ZPLD1: variants seen among roughly 807,000 people sequenced by gnomAD.
The protein encoded by ZPLD1 is zona pellucida-like domain-containing protein 1.
ZPLD1 carries 34 observed loss-of-function variants against 47.2 expected under a neutral mutation model. That is an observed-to-expected ratio of 0.72 (90% CI 0.55 to 0.96). The LOEUF is 0.96. Among genes scored for constraint, ZPLD1 ranks in the 40% least tolerant of loss-of-function variants. ZPLD1 has a pLI of 0.00. For missense variants in ZPLD1, 512 were observed against 505.8 expected (o/e 1.01, Z -0.12); for synonymous variants, 176 against 186.2 (o/e 0.95, Z 0.45).
intron 7 of ZPLD1, among the ~76,000 whole-genome samples, chr3:102,396,891 G>C (rs1469754527): frequency 6.6e-6 from 1 of 152,042 alleles, no homozygotes; most frequent in African/African-American, 2.4e-5. Flanking sequence ...TAAATGATTA[G>C]AGCCCTGGCC....
chr3:102,463,309 A>AT (rs1707538690), intron 7 of ZPLD1, among the ~76,000 whole-genome samples: 1 of 152,166 alleles, frequency 6.6e-6, no homozygotes, highest in African/African-American at 2.4e-5. Context: ...CTGATATACA[A>AT]TTTATGCTCT....
intron 1 of ZPLD1, among the ~76,000 whole-genome samples, chr3:102,436,564 T>C (rs763659658): frequency 6.6e-6 from 1 of 152,198 alleles, no homozygotes; most frequent in African/African-American, 2.4e-5. Flanking sequence ...AACTTTACTA[T>C]CAGAAAGACT....
At chr3:102,385,322 G>A (rs903745482) in intron 6 of ZPLD1, 1 of 152,202 alleles carries the variant, frequency 6.6e-6, no homozygotes, top group Admixed American at 6.5e-5. Flanking sequence ...AAATAAGTAA[G>A]TGTGAAGACT....
At chr3:102,405,807 G>T (rs1289237797) in intron 7 of ZPLD1, among the ~76,000 whole-genome samples, 5 of 151,936 alleles carry the variant, frequency 3.3e-5, no homozygotes, top group Non-Finnish European at 7.4e-5. Context: ...TTGGGGGTGA[G>T]ATGGTTTTGG....
chr3:102,462,965 T>C (rs1707532574), intron 7 of ZPLD1, among the ~76,000 whole-genome samples: 1 of 152,188 alleles, frequency 6.6e-6, no homozygotes, highest in Admixed American at 6.5e-5. Context: ...GCTTATGTAT[T>C]ACTATTTAAA....
chr3:102,440,908 GAGAAA>G (rs1707167007), intron 3 of ZPLD1, among the ~76,000 whole-genome samples: 3 of 152,230 alleles, frequency 2.0e-5, no homozygotes, highest in Admixed American at 2.0e-4. Context: ...TTGATGAAAT[GAGAAA>G]AGAAAATACC....
intron 3 of ZPLD1, 46 bp downstream of exon 3, chr3:102,438,639 A>C (rs778250891): frequency 6.9e-7 from 1 of 1,444,204 alleles, no homozygotes; most frequent in East Asian, 2.3e-5. Context: ...TGGAAGAGTG[A>C]TTATATTTGA....
In ZPLD1 at chr3:102,470,339, A is replaced by G. The variant is rs1475000476; in HGVS notation, c.934-55A>G. On this transcript the variant is annotated intron_variant, in intron 9 of 11. Transcript: ENST00000466937. ...AAGAATCTGCTTTCCAAATGGCCAT[A>G]AAGAAACAATTCTGCGCCGGTGTGG... 3 of 1,428,442 alleles carry G rather than the reference A, an allele frequency of 2.1e-6. No individual in the cohort carries two copies. The African/African-American group carries it at 4.2e-5, about 20-fold the overall frequency. The allele number at this position is 1,428,442 out of a possible 1,614,324, so 88.5% of individuals were successfully genotyped here. A position where few individuals can be genotyped will look rare whatever the true frequency, so the allele number is the denominator to read the frequency against.
chr3:102,435,702 G>A (rs962536855), intron 1 of ZPLD1, among the ~76,000 whole-genome samples: 2 of 149,896 alleles, frequency 1.3e-5, no homozygotes, highest in Non-Finnish European at 3.0e-5. Context: ...GAGTGCAGTG[G>A]CGAGATCTCA....
intron 8 of ZPLD1, among the ~76,000 whole-genome samples, chr3:102,428,074 A>T (rs566889993): frequency 6.6e-6 from 1 of 152,148 alleles, no homozygotes; most frequent in Non-Finnish European, 1.5e-5. Flanking sequence ...TTATTAACAA[A>T]CTCAACTATA....
chr3:102,444,497 T>C (rs769577635), intron 3 of ZPLD1, among the ~76,000 whole-genome samples: 2 of 152,180 alleles, frequency 1.3e-5, no homozygotes, highest in Non-Finnish European at 2.9e-5. Flanking sequence ...TATAAAAACT[T>C]GGTAAGAGCA....
At chr3:102,415,837 A>G (rs975705104) in intron 7 of ZPLD1, among the ~76,000 whole-genome samples, 3 of 151,880 alleles carry the variant, frequency 2.0e-5, no homozygotes, top group East Asian at 1.9e-4. Context: ...TGAACCATTT[A>G]GTTTGAAGAA....
intron 3 of ZPLD1, among the ~76,000 whole-genome samples, chr3:102,445,747 C>A (rs191468354): frequency 1.3e-5 from 2 of 152,224 alleles, no homozygotes; most frequent in East Asian, 3.9e-4. Flanking sequence ...TTACACTAGC[C>A]CCAGCTGGCC....
At chr3:102,413,377 T>A (rs1191899730) in intron 7 of ZPLD1, among the ~76,000 whole-genome samples, 1 of 151,882 alleles carries the variant, frequency 6.6e-6, no homozygotes, top group African/African-American at 2.4e-5. Context: ...CTTATTCATA[T>A]TTATTTAGTA....
At chr3:102,432,486 C>T (rs1407943239), upstream of ZPLD1, among the ~76,000 whole-genome samples, 1 of 152,060 alleles carries the variant, frequency 6.6e-6, no homozygotes, top group East Asian at 1.9e-4. Context: ...TTTTTCTTTC[C>T]AACTATAACA....
rs187171106 is a variant in ZPLD1, at chr3:102,408,623, T to G, written c.-156-9437T>G. Among the ~76,000 whole-genome samples, 134 of 151,932 alleles carry G rather than the reference T, an allele frequency of 8.8e-4. 4 individuals are homozygous for G. The East Asian group carries it at 0.02, about 23-fold the overall frequency. ...AGAGAGATTTCTTGCAATTTAACTT[T>G]GCTTCTCAACTTTTTTTTTAAAGAA... On this transcript the variant is annotated intron_variant, in intron 7 of 17. Transcript: ENST00000491959.
chr3:102,414,190 G>C (rs1169157771), intron 7 of ZPLD1, among the ~76,000 whole-genome samples: 1 of 151,726 alleles, frequency 6.6e-6, no homozygotes, highest in Non-Finnish European at 1.5e-5. Context: ...TTAACTACTG[G>C]GTTCAGGACA....
intron 7 of ZPLD1, among the ~76,000 whole-genome samples, chr3:102,401,778 G>C (rs1289878094): frequency 6.6e-6 from 1 of 152,034 alleles, no homozygotes; most frequent in Non-Finnish European, 1.5e-5. Context: ...CCCCTTTGTT[G>C]AAGAGTGGTT....
At chr3:102,409,171 A>G (rs1197723789) in intron 7 of ZPLD1, among the ~76,000 whole-genome samples, 2 of 151,858 alleles carry the variant, frequency 1.3e-5, no homozygotes, top group Non-Finnish European at 2.9e-5. Flanking sequence ...ATAACATGGC[A>G]GAAGGACAAT....
Sources: gnomAD v4.1 joint callset for allele counts (sites outside exome capture counted in the v4.1 genomes callset) on GRCh38, gnomAD v4.1.1 for gene constraint, MANE v1.5 for transcripts, NCBI Gene and HGNC (gene_info 2026-07-23, HGNC 2026-07-21) for gene names.